Variants in RIC3 observed in about 807,000 individuals in gnomAD.
RIC3 encodes protein RIC-3.
Under a neutral mutation model 27.3 loss-of-function variants are expected in RIC3, and 28 were observed. That is an observed-to-expected ratio of 1.02 (90% CI 0.76 to 1.41). The LOEUF (loss-of-function observed/expected upper bound fraction) is 1.41, where lower values mean the gene tolerates loss of function less well. RIC3 is among the 40% of genes most tolerant of loss of function. The probability of loss-of-function intolerance (pLI) is 0.00; values close to 1 mark genes in which losing one functional copy is unlikely to be tolerated. For synonymous variants in RIC3, 184 were observed against 160.4 expected (o/e 1.15, Z -1.11); for missense variants, 501 against 444.7 (o/e 1.13, Z -1.14).
chr11:8,144,740 T>C (rs1325001372), intron 1 of RIC3, among the ~76,000 whole-genome samples: 1 of 151,454 alleles, frequency 6.6e-6, no homozygotes, highest in Non-Finnish European at 1.5e-5. Flanking sequence ...CGTATGTTTA[T>C]TGCGGCATTA....
At chr11:8,097,918 C>G in the RIC3 span, 3 of 957,518 alleles carry the variant, frequency 3.1e-6, no homozygotes, top group South Asian at 4.5e-5. Flanking sequence ...TGAAGGAGAT[C>G]TAGGCCAGGG....
At chr11:8,155,772 T>C (rs1376045164) in intron 1 of RIC3, among the ~76,000 whole-genome samples, 1 of 152,152 alleles carries the variant, frequency 6.6e-6, no homozygotes, top group Non-Finnish European at 1.5e-5. Flanking sequence ...GTTTCTATTT[T>C]AATAAAAAAT....
At chr11:8,120,838 TTAAAG>T (rs1466721841) in intron 5 of RIC3, among the ~76,000 whole-genome samples, 2 of 152,106 alleles carry the variant, frequency 1.3e-5, no homozygotes, top group Non-Finnish European at 2.9e-5. Context: ...CAATATCAAA[TTAAAG>T]TAGAGAATGA....
At chr11:8,147,420 GTTGA>G (rs1156647591) in intron 1 of RIC3, among the ~76,000 whole-genome samples, 1 of 151,884 alleles carries the variant, frequency 6.6e-6, no homozygotes, top group East Asian at 1.9e-4. Context: ...GGGTACCTTA[GTTGA>G]TTGTCTCCTG....
intron 1 of RIC3, among the ~76,000 whole-genome samples, chr11:8,144,181 G>A (rs1429724750): frequency 6.6e-6 from 1 of 152,050 alleles, no homozygotes; most frequent in Non-Finnish European, 1.5e-5. Context: ...TGTCAAATGG[G>A]ATCTAATGAA....
At chr11:8,118,622 G>A (rs138933781) in intron 5 of RIC3, among the ~76,000 whole-genome samples, 3 of 150,004 alleles carry the variant, frequency 2.0e-5, no homozygotes, top group Admixed American at 6.6e-5. Flanking sequence ...AATCCTAACA[G>A]TTTGGGAGGC....
intron 1 of RIC3, among the ~76,000 whole-genome samples, chr11:8,147,027 A>G (rs186265271): frequency 1.3e-5 from 2 of 152,328 alleles, no homozygotes; most frequent in Admixed American, 1.3e-4. Context: ...ATTCAAAGTC[A>G]TCTTCCTGCT....
At chr11:8,153,263 T>G (rs1361013545) in intron 1 of RIC3, 1 of 332,742 alleles carries the variant, frequency 3.0e-6, no homozygotes, top group Non-Finnish European at 5.8e-6. Context: ...CTTAACAATG[T>G]GACAGACACT....
chr11:8,094,148 A>G, the RIC3 span: 1 of 1,614,070 alleles, frequency 6.2e-7, no homozygotes, highest in Non-Finnish European at 8.5e-7. Context: ...GCAGGGGGCC[A>G]GGGTGGCGCC....
chr11:8,149,713 G>A (rs918419047), intron 1 of RIC3, among the ~76,000 whole-genome samples: 2 of 152,162 alleles, frequency 1.3e-5, no homozygotes, highest in African/African-American at 4.8e-5. Flanking sequence ...GGACCCCAAA[G>A]TAACCTTGAA....
At chr11:8,119,398 A>C (rs1191955340) in intron 5 of RIC3, among the ~76,000 whole-genome samples, 2 of 152,228 alleles carry the variant, frequency 1.3e-5, no homozygotes, top group Non-Finnish European at 2.9e-5. Context: ...CCACACATCT[A>C]CAACTATCTG....
downstream of RIC3, chr11:8,104,310 C>A (rs772537766): frequency 6.6e-6 from 1 of 151,994 alleles, no homozygotes; most frequent in South Asian, 2.1e-4. Flanking sequence ...CACCCCAAAA[C>A]TCTACACCCT....
chr11:8,100,028 C>T, the RIC3 span, among the ~76,000 whole-genome samples: 1 of 152,146 alleles, frequency 6.6e-6, no homozygotes, highest in Non-Finnish European at 1.5e-5. Context: ...CTTAATGTGC[C>T]TGAGCACTGG....
intron 5 of RIC3, among the ~76,000 whole-genome samples, chr11:8,118,084 G>A (rs982062077): frequency 2.6e-5 from 4 of 151,776 alleles, no homozygotes; most frequent in Admixed American, 6.6e-5. Context: ...TTAGCCAGGC[G>A]TGGTGGCAGG....
In RIC3 at chr11:8,140,079, T is replaced by G; in HGVS notation, c.239A>C (p.Lys80Thr). ...SHLAEAFAKA[K>T]GSGGGAGGGG... ...TCCTCCAGCACCTCCACCTGATCCTTTGGCCTTTGCAAATGCCTCGGCAAG... is the reference window on the plus strand; with the variant it reads ...TCCTCCAGCACCTCCACCTGATCCTGTGGCCTTTGCAAATGCCTCGGCAAG... The change falls in exon 2 of 6, where the codon AAA becomes ACA. Residue 80 changes from lysine (K) to threonine (T), a missense_variant. Physicochemically the swap from Lys to Thr is moderately conservative, Grantham distance 78. Transcript: ENST00000309737. 6.2e-7 allele frequency: 1 copy of G among 1,614,130 alleles called. No homozygotes were observed.
chr11:8,140,451 T>C (rs772372245), intron 1 of RIC3, among the ~76,000 whole-genome samples: 7 of 152,216 alleles, frequency 4.6e-5, no homozygotes, highest in Non-Finnish European at 7.3e-5. Flanking sequence ...TACAGTTAAA[T>C]GTGGCCATAT....
Position 8,144,895 on chromosome 11 carries a change from T to C in RIC3, c.125-4702A>G, listed in dbSNP as rs565297205. 4.5e-4 allele frequency among the ~76,000 whole-genome samples: 67 copies of C among 150,222 alleles called. No homozygotes were observed. The South Asian group carries it at 7.4e-3, about 17-fold the overall frequency. On this transcript the variant is annotated intron_variant, in intron 1 of 5. Transcript: ENST00000309737. The stretch of plus-strand genomic sequence containing the variant: ...GTCCTTTGTAGGGACATGGATGAAA[T>C]TGGAAATCATCATTCTCAGTAAACT...
intron 4 of RIC3, among the ~76,000 whole-genome samples, chr11:8,130,385 C>T (rs928192093): frequency 2.0e-5 from 3 of 152,324 alleles, no homozygotes; most frequent in Middle Eastern, 3.4e-3. Context: ...TTTGTTCCTG[C>T]TCCCTAAATG....
At chr11:8,163,811 AT>A (rs35000979) in intron 1 of RIC3, among the ~76,000 whole-genome samples, 53,355 of 136,604 alleles carry the variant, frequency 0.39, 9,674 homozygotes, top group African/African-American at 0.51. Context: ...CCCAACTGGC[AT>A]TTTTTTTTTT....
Sources: gnomAD v4.1 joint callset for allele counts (sites outside exome capture counted in the v4.1 genomes callset) on GRCh38, gnomAD v4.1.1 for gene constraint, MANE v1.5 for transcripts, NCBI Gene and HGNC (gene_info 2026-07-23, HGNC 2026-07-21) for gene names.